The following CREB5 variants were observed in gnomAD, a reference collection of about 807,000 sequenced individuals.
CREB5 encodes cAMP responsive element binding protein 5.
CREB5 carries 19 observed loss-of-function variants against 57.1 expected under a neutral mutation model. That is an observed-to-expected ratio of 0.33 (90% CI 0.23 to 0.49). The LOEUF (loss-of-function observed/expected upper bound fraction) is 0.49, where lower values mean the gene tolerates loss of function less well. Ranked by LOEUF, CREB5 falls within the 20% of genes least tolerant of loss-of-function variation. The pLI, the probability that CREB5 is intolerant of heterozygous loss-of-function variation, is 0.99. For synonymous variants in CREB5, 238 were observed against 238.3 expected (o/e 1.00, Z 0.01); for missense variants, 579 against 671.6 (o/e 0.86, Z 1.52).
At chr7:28,417,253 A>C (rs1380862715) in intron 1 of CREB5, among the ~76,000 whole-genome samples, 2 of 152,244 alleles carry the variant, frequency 1.3e-5, no homozygotes, top group Non-Finnish European at 2.9e-5. Flanking sequence ...TCATTTTAAT[A>C]ACACTTTGAT....
intron 1 of CREB5, among the ~76,000 whole-genome samples, chr7:28,372,549 G>T (rs1232283210): frequency 6.6e-6 from 1 of 152,106 alleles, no homozygotes; most frequent in African/African-American, 2.4e-5. Flanking sequence ...ATTGCATAAA[G>T]GTGTAAATAT....
chr7:28,401,286 A>G (rs1473502971), intron 1 of CREB5, among the ~76,000 whole-genome samples: 2 of 152,166 alleles, frequency 1.3e-5, no homozygotes, highest in Non-Finnish European at 2.9e-5. Flanking sequence ...AGTAGTGAAT[A>G]CAATAATTCC....
upstream of CREB5, chr7:28,410,731 A>G (rs1461659874): frequency 5.4e-6 from 2 of 369,884 alleles, no homozygotes; most frequent in East Asian, 7.3e-5. Context: ...GTCAAGGAAT[A>G]AAGACTGGAT....
At chr7:28,474,479 T>C (rs1291008507) in intron 1 of CREB5, among the ~76,000 whole-genome samples, 4 of 152,166 alleles carry the variant, frequency 2.6e-5, no homozygotes, top group African/African-American at 9.7e-5. Flanking sequence ...GCCCTATGAC[T>C]GGCTGATTGG....
chr7:28,365,523 C>T (rs1157424845), intron 1 of CREB5, among the ~76,000 whole-genome samples: 2 of 152,180 alleles, frequency 1.3e-5, no homozygotes, highest in African/African-American at 4.8e-5. Context: ...TCTCCCTTCT[C>T]TTGATCCCAT....
intron 7 of CREB5, among the ~76,000 whole-genome samples, chr7:28,767,345 T>C (rs184886079): frequency 1.3e-5 from 2 of 152,326 alleles, no homozygotes; most frequent in African/African-American, 4.8e-5. Flanking sequence ...AGAAAGAGAA[T>C]GGAAATTCTA....
At chr7:28,367,840 C>T (rs7457668) in intron 1 of CREB5, among the ~76,000 whole-genome samples, 1 of 152,002 alleles carries the variant, frequency 6.6e-6, no homozygotes, top group Non-Finnish European at 1.5e-5. Flanking sequence ...AACAAACAAA[C>T]AAAAAACAAC....
rs574747248 is a variant in CREB5, at chr7:28,732,993, T to C, written c.702+8661T>C. ...CTAAATGATTGTTGTATTGCTGTAG[T>C]GTGAATAAGATGAATCATTAGCTTC... On this transcript the variant is annotated intron_variant, in intron 7 of 10. Transcript: ENST00000357727. Among the ~76,000 whole-genome samples, 7 of 152,310 alleles carry C rather than the reference T, an allele frequency of 4.6e-5. No individual in the cohort carries two copies. In the South Asian group the frequency reaches 8.3e-4, roughly 18 times the overall value.
intron 1 of CREB5, among the ~76,000 whole-genome samples, chr7:28,360,417 A>G (rs1786451065): frequency 6.6e-6 from 1 of 152,224 alleles, no homozygotes; most frequent in Admixed American, 6.5e-5. Flanking sequence ...TTTCAACAAC[A>G]TGGATGAACC....
At chr7:28,583,671 C>CATTTTTATTTTT (rs985705179) in intron 5 of CREB5, among the ~76,000 whole-genome samples, 1 of 152,080 alleles carries the variant, frequency 6.6e-6, no homozygotes, top group Non-Finnish European at 1.5e-5. Flanking sequence ...CCTCCACCTT[C>CATTTTTATTTTT]ATTTTTATTT....
chr7:28,647,555 T>C (rs967669931), intron 5 of CREB5, among the ~76,000 whole-genome samples: 2 of 152,196 alleles, frequency 1.3e-5, no homozygotes, highest in East Asian at 3.9e-4. Context: ...TCTCTAATAC[T>C]AAGACATTAT....
intron 5 of CREB5, among the ~76,000 whole-genome samples, chr7:28,643,976 G>A (rs945233023): frequency 6.6e-6 from 1 of 152,016 alleles, no homozygotes; most frequent in East Asian, 1.9e-4. Context: ...TGCTAGGGAG[G>A]CTGAGGTGGG....
intron 5 of CREB5, among the ~76,000 whole-genome samples, chr7:28,674,565 C>T (rs897313177): frequency 2.0e-5 from 3 of 152,188 alleles, no homozygotes; most frequent in African/African-American, 7.2e-5. Context: ...TGGATGTCTT[C>T]AGCGCAGACC....
At chr7:28,533,970 A>AT (rs977416911) in intron 4 of CREB5, among the ~76,000 whole-genome samples, 4 of 152,142 alleles carry the variant, frequency 2.6e-5, no homozygotes, top group Non-Finnish European at 5.9e-5. Context: ...ACATGAGTTG[A>AT]TTTTCAGTTA....
intron 1 of CREB5, among the ~76,000 whole-genome samples, chr7:28,445,980 A>T (rs1789445988): frequency 6.6e-6 from 1 of 152,218 alleles, no homozygotes; most frequent in South Asian, 2.1e-4. Flanking sequence ...AAGAATGTGA[A>T]TGTTACTTTC....
intron 4 of CREB5, among the ~76,000 whole-genome samples, chr7:28,520,576 A>G (rs544561968): frequency 6.6e-6 from 1 of 152,316 alleles, no homozygotes; most frequent in East Asian, 1.9e-4. Context: ...AATCAGGCAT[A>G]TCCTTTTAAT....
intron 1 of CREB5, among the ~76,000 whole-genome samples, chr7:28,405,697 G>A (rs1253110133): frequency 6.6e-6 from 1 of 152,198 alleles, no homozygotes; most frequent in Admixed American, 6.5e-5. Flanking sequence ...GGTTACAGGT[G>A]TGAGCCACTG....
chr7:28,733,750 G>T (rs959743216), intron 7 of CREB5, among the ~76,000 whole-genome samples: 1 of 152,124 alleles, frequency 6.6e-6, no homozygotes, highest in Non-Finnish European at 1.5e-5. Flanking sequence ...CGTGTCCCCA[G>T]TTTGCCATCT....
At chr7:28,570,635 T>C (rs1562804080) in intron 5 of CREB5, 98 bp downstream of exon 5, 1 of 1,387,292 alleles carries the variant, frequency 7.2e-7, no homozygotes, top group Non-Finnish European at 9.8e-7. Flanking sequence ...GGTTGGTTTT[T>C]CTGGCTGTCA....
Sources: gnomAD v4.1 joint callset for allele counts (sites outside exome capture counted in the v4.1 genomes callset) on GRCh38, gnomAD v4.1.1 for gene constraint, MANE v1.5 for transcripts, NCBI Gene and HGNC (gene_info 2026-07-23, HGNC 2026-07-21) for gene names.